Variants in CEP170 observed in about 807,000 individuals in gnomAD.
CEP170 encodes centrosomal protein 170.
CEP170 carries 21 observed loss-of-function variants against 151.9 expected under a neutral mutation model. That is an observed-to-expected ratio of 0.14 (90% CI 0.10 to 0.20). The LOEUF is 0.20. CEP170 is among the 10% of genes least tolerant of loss of function. The pLI, the probability that CEP170 is intolerant of heterozygous loss-of-function variation, is 1.00. For synonymous variants in CEP170, 356 were observed against 648.8 expected (o/e 0.55, Z 6.86); for missense variants, 964 against 1,892.9 (o/e 0.51, Z 9.11).
intron 1 of CEP170, among the ~76,000 whole-genome samples, chr1:243,228,121 T>C (rs1222689624): frequency 6.6e-6 from 1 of 152,232 alleles, no homozygotes; most frequent in Non-Finnish European, 1.5e-5. Flanking sequence ...AGGCAAACTA[T>C]ACTACAGTAA....
chr1:243,231,260 C>G (rs1322630028), intron 1 of CEP170, among the ~76,000 whole-genome samples: 2 of 149,796 alleles, frequency 1.3e-5, no homozygotes, highest in Admixed American at 6.7e-5. Flanking sequence ...TCTAGTTAAA[C>G]AATAGCTGAC....
intron 15 of CEP170, among the ~76,000 whole-genome samples, chr1:243,141,422 T>C (rs913321022): frequency 3.9e-5 from 6 of 152,234 alleles, no homozygotes; most frequent in African/African-American, 1.2e-4. Context: ...TTGAATTTCA[T>C]GTAATTTTCA....
chr1:243,226,879 C>T (rs980308605), intron 1 of CEP170, among the ~76,000 whole-genome samples: 17 of 152,142 alleles, frequency 1.1e-4, no homozygotes, highest in Admixed American at 5.2e-4. Flanking sequence ...ATCCCAGCTA[C>T]TCGGGAGGGT....
intron 14 of CEP170, among the ~76,000 whole-genome samples, chr1:243,152,607 C>A (rs2057214633): frequency 7.2e-6 from 1 of 139,106 alleles, no homozygotes. Flanking sequence ...TCTCGGCTCA[C>A]TGCAACCTCT....
At chr1:243,136,375 T>G in intron 16 of CEP170, 144 bp from the exon 17 acceptor site, 1 of 1,030,638 alleles carries the variant, frequency 9.7e-7, no homozygotes, top group South Asian at 1.9e-5. Context: ...AGAATATAAT[T>G]AATATGTAAC....
intron 13 of CEP170, among the ~76,000 whole-genome samples, chr1:243,159,310 C>T (rs2789269): frequency 0.4 from 60,429 of 151,372 alleles, 12,283 homozygotes; most frequent in South Asian, 0.55. Context: ...ACACAGTCTG[C>T]GTAACGACAA....
chr1:243,244,673 G>A (rs924672750), intron 1 of CEP170, among the ~76,000 whole-genome samples: 3 of 152,040 alleles, frequency 2.0e-5, no homozygotes, highest in African/African-American at 4.8e-5. Flanking sequence ...TTGAGCCCAC[G>A]AGATCGAGGC....
chr1:243,167,730 G>A (rs540894747), intron 12 of CEP170, among the ~76,000 whole-genome samples: 5 of 151,502 alleles, frequency 3.3e-5, no homozygotes, highest in African/African-American at 1.2e-4. Flanking sequence ...AATCCATACT[G>A]AACTGATAGA....
intron 13 of CEP170, among the ~76,000 whole-genome samples, chr1:243,158,718 C>T (rs1360254213): frequency 6.6e-6 from 1 of 152,074 alleles, no homozygotes; most frequent in Non-Finnish European, 1.5e-5. Context: ...TTTTCATAGG[C>T]TGGTCTACCT....
chr1:243,167,285 C>T (rs2058510409), intron 12 of CEP170, among the ~76,000 whole-genome samples: 1 of 151,582 alleles, frequency 6.6e-6, no homozygotes, highest in East Asian at 1.9e-4. Flanking sequence ...AATCTATAGC[C>T]GATTAAAAGA....
chr1:243,142,705 G>A (rs2055992638), intron 14 of CEP170, among the ~76,000 whole-genome samples: 1 of 152,154 alleles, frequency 6.6e-6, no homozygotes, highest in Non-Finnish European at 1.5e-5. Flanking sequence ...AAGCCCTTGA[G>A]TAGAGCTATG....
At chr1:243,161,438 C>T (rs1439875862) in intron 13 of CEP170, among the ~76,000 whole-genome samples, 1 of 151,850 alleles carries the variant, frequency 6.6e-6, no homozygotes, top group African/African-American at 2.4e-5. Context: ...CTGAGATTTC[C>T]AATCTTCTAT....
chr1:243,126,484 C>T lies in CEP170; in HGVS notation c.4720G>A (p.Asp1574Asn), dbSNP rs1200271803. The T allele has an allele frequency of 6.8e-6, 11 of 1,610,058 alleles. No homozygotes were observed. Among genetic ancestry groups the T allele is most frequent in the South Asian group, 1.1e-5 (1 of 90,250 alleles). The change falls in exon 20 of 20, where the codon GAT becomes AAT. Residue 1574 changes from aspartate to asparagine, a missense_variant. Coordinates refer to ENST00000366542, the MANE Select transcript of CEP170 (RefSeq NM_014812.3). ...FSIHFNRFNPDGEEEDVTVQE is the reference protein window; with the variant it reads ...FSIHFNRFNPNGEEEDVTVQE ...ACTGTAACATCTTCCTCTTCCCCAT[C>T]GGGGTTGAATCTATTGAAATGTATA...
chr1:243,225,489 C>T (rs1041661247), intron 1 of CEP170, among the ~76,000 whole-genome samples, 168 bp from the exon 2 acceptor site: 25 of 152,126 alleles, frequency 1.6e-4, no homozygotes, highest in African/African-American at 6.0e-4. Flanking sequence ...AAATTCTCAT[C>T]AGTGAAGTAA....
chr1:243,154,011 AC>A, intron 14 of CEP170, among the ~76,000 whole-genome samples: 1 of 152,380 alleles, frequency 6.6e-6, no homozygotes, highest in Non-Finnish European at 1.5e-5. Context: ...CATCAGGGAT[AC>A]CTGAAAGAAA....
intron 10 of CEP170, among the ~76,000 whole-genome samples, chr1:243,182,893 G>A (rs2059712740): frequency 6.6e-6 from 1 of 152,118 alleles, no homozygotes; most frequent in Non-Finnish European, 1.5e-5. Context: ...GAGTAGGGAG[G>A]CAAATGAATA....
At chr1:243,213,607 T>C (rs956182592) in intron 3 of CEP170, among the ~76,000 whole-genome samples, 1 of 152,140 alleles carries the variant, frequency 6.6e-6, no homozygotes, top group South Asian at 2.1e-4. Flanking sequence ...TGAGAAAGAA[T>C]GTGTCCATGA....
intron 4 of CEP170, among the ~76,000 whole-genome samples, chr1:243,209,064 C>T (rs1436576300): frequency 6.6e-6 from 1 of 152,206 alleles, no homozygotes; most frequent in Non-Finnish European, 1.5e-5. Context: ...GTATATTTCA[C>T]TGAGTATGTG....
intron 7 of CEP170, among the ~76,000 whole-genome samples, chr1:243,198,296 A>G (rs894228560): frequency 6.6e-6 from 1 of 152,066 alleles, no homozygotes; most frequent in African/African-American, 2.4e-5. Flanking sequence ...TTTCTGGTTT[A>G]CGGACTGAAC....
Sources: allele counts gnomAD v4.1 joint callset (sites outside exome capture counted in the v4.1 genomes callset), GRCh38; gene constraint gnomAD v4.1.1; transcripts MANE v1.5; gene names NCBI Gene and HGNC (gene_info 2026-07-23, HGNC 2026-07-21).